Variants in METTL16 observed in about 807,000 individuals in gnomAD.
METTL16 encodes the protein RNA N(6)-adenosine-methyltransferase METTL16.
Under a neutral mutation model 57.9 loss-of-function variants are expected in METTL16, and 19 were observed. That is an observed-to-expected ratio of 0.33 (90% CI 0.23 to 0.48). The LOEUF is 0.48. Ranked by LOEUF, METTL16 falls within the 20% of genes least tolerant of loss-of-function variation. The pLI is 0.99. For missense variants in METTL16, 434 were observed against 691.5 expected (o/e 0.63, Z 4.18); for synonymous variants, 246 against 255.6 (o/e 0.96, Z 0.36).
chr17:2,473,188 C>A (rs376642525), intron 4 of METTL16, among the ~76,000 whole-genome samples: 3 of 152,084 alleles, frequency 2.0e-5, no homozygotes, highest in South Asian at 2.1e-4. Flanking sequence ...AAACAAAAAA[C>A]CCCCACTTAA....
At chr17:2,479,142 G>T (rs1396424839) in intron 2 of METTL16, among the ~76,000 whole-genome samples, 1 of 151,952 alleles carries the variant, frequency 6.6e-6, no homozygotes, top group Non-Finnish European at 1.5e-5. Context: ...ACAGAGCAGG[G>T]TCTTTTTTGG....
chr17:2,438,560 T>C (rs564941681), intron 7 of METTL16, among the ~76,000 whole-genome samples: 1 of 152,270 alleles, frequency 6.6e-6, no homozygotes, highest in East Asian at 1.9e-4. Context: ...TGGAGTGCAG[T>C]GTGCGGTCTT....
Position 2,418,195 on chromosome 17 carries a change from AATAC to A in METTL16, c.*1771_*1774del, listed in dbSNP as rs2066734633. On this transcript the variant is annotated 3_prime_UTR_variant, in exon 10 of 10. Transcript: ENST00000263092. ...TGGGAACCCTCTCTCCAGGAAAAAA[AATAC>A]ACACACACACACACACACACACACA... is the stretch of plus-strand genomic sequence containing the variant. 1.3e-5 allele frequency: 1 copy of A among 74,984 alleles called. No individual in the cohort carries two copies. The highest frequency in any genetic ancestry group is 2.3e-5 in the Non-Finnish European group (1 of 44,318). The allele number at this position is 74,984 out of a possible 1,614,324, so 4.6% of individuals were successfully genotyped here. A position where few individuals can be genotyped will look rare whatever the true frequency, so the allele number is the denominator to read the frequency against.
chr17:2,429,712 C>T (rs143378012), intron 8 of METTL16, among the ~76,000 whole-genome samples: 4 of 152,054 alleles, frequency 2.6e-5, no homozygotes, highest in East Asian at 1.9e-4. Flanking sequence ...TGCCTCCATA[C>T]GATAGTATAT....
At chr17:2,467,370 G>T (rs1185840906) in intron 5 of METTL16, among the ~76,000 whole-genome samples, 1 of 152,166 alleles carries the variant, frequency 6.6e-6, no homozygotes, top group Non-Finnish European at 1.5e-5. Flanking sequence ...TTAAAAAATA[G>T]TAAGTTAATT....
rs34609847 is a variant in METTL16 at position 2,479,330 on chromosome 17, CT to C, written c.129-1446del. On this transcript the variant is annotated intron_variant, in intron 2 of 9. Transcript: ENST00000263092. The stretch of plus-strand genomic sequence containing the variant: ...TACAGGTGCATACCACCACACTAAG[CT>C]TTTTTTTTTTTTTTTTTTCGTAGAG... Among the ~76,000 whole-genome samples the C allele has an allele frequency of 4.5e-3, 473 of 105,568 alleles. 3 individuals are homozygous for C. The highest frequency in any genetic ancestry group is 0.011 in the African/African-American group (302 of 26,324). 69.3% of individuals were successfully genotyped at this position (105,568 alleles called of 152,430 possible). A position where few individuals can be genotyped will look rare whatever the true frequency, so the allele number is the denominator to read the frequency against.
chr17:2,448,784 AAAAAT>A (rs1351993038), intron 6 of METTL16, among the ~76,000 whole-genome samples: 4,412 of 109,756 alleles, frequency 0.04, 114 homozygotes, highest in South Asian at 0.06. Context: ...AAAAAAATAA[AAAAAT>A]AAAAATAAAA....
chr17:2,464,472 A>G, intron 5 of METTL16, 122 bp from the exon 6 acceptor site: 1 of 883,732 alleles, frequency 1.1e-6, no homozygotes, highest in Non-Finnish European at 1.6e-6. Flanking sequence ...AGTATGCTAG[A>G]TTTAGGATTT....
At chr17:2,452,122 G>C (rs1191281098) in intron 6 of METTL16, among the ~76,000 whole-genome samples, 1 of 134,698 alleles carries the variant, frequency 7.4e-6, no homozygotes, top group Non-Finnish European at 1.5e-5. Flanking sequence ...GGATGACAGA[G>C]CAAGCCCTTG....
chr17:2,497,474 G>T (rs941344314), intron 2 of METTL16, among the ~76,000 whole-genome samples: 1 of 150,860 alleles, frequency 6.6e-6, no homozygotes, highest in South Asian at 2.1e-4. Flanking sequence ...CACCACGCCC[G>T]GCTCATTTTT....
At chr17:2,495,909 G>T (rs1391804519) in intron 2 of METTL16, among the ~76,000 whole-genome samples, 1 of 151,466 alleles carries the variant, frequency 6.6e-6, no homozygotes, top group African/African-American at 2.4e-5. Context: ...AGCAGTTTGA[G>T]ATCAGCCTGG....
rs1407575714 is a variant in METTL16, at chr17:2,420,311, T to C, written c.1348A>G (p.Ser450Gly). Residue 450 changes from serine (S) to glycine (G), a missense_variant, in exon 10 of 10, where the codon AGC becomes GGC. By Grantham distance (56) the Ser-to-Gly change is moderately conservative. Around this residue, in one of 5 missense-constraint regions of METTL16, gnomAD observed 168 missense variants for 149.6 expected, o/e 1.12. Transcript: ENST00000263092. The surrounding 1 kb of genome is among the most constrained non-coding windows in gnomAD (Gnocchi z 5.4). Reference protein sequence around the residue: ...EAAAVEGPCPSQESLSQEENP... With the variant: ...EAAAVEGPCPGQESLSQEENP... ...TCCTCCTGGGACAGGGACTCCTGGCTCGGGCACGGGCCCTCCACAGCGGCA... is the reference window on the plus strand; with the variant it reads ...TCCTCCTGGGACAGGGACTCCTGGCCCGGGCACGGGCCCTCCACAGCGGCA... 4 of 1,612,302 alleles carry C rather than the reference T, an allele frequency of 2.5e-6. No individual in the cohort carries two copies. In the Admixed American group the frequency reaches 5.0e-5, roughly 20 times the overall value.
intron 2 of METTL16, among the ~76,000 whole-genome samples, chr17:2,483,434 A>C (rs767073036): frequency 5.9e-5 from 9 of 152,204 alleles, no homozygotes; most frequent in Admixed American, 1.3e-4. Flanking sequence ...TGGAAGCAGA[A>C]GTTTATTGCA....
At chr17:2,469,938 A>G (rs2067225386) in intron 4 of METTL16, among the ~76,000 whole-genome samples, 2 of 152,206 alleles carry the variant, frequency 1.3e-5, no homozygotes, top group South Asian at 4.1e-4. Flanking sequence ...TGCGCTAGTT[A>G]TATTCTACAA....
intron 6 of METTL16, among the ~76,000 whole-genome samples, chr17:2,454,570 T>A (rs1261225681): frequency 1.3e-4 from 19 of 147,822 alleles, no homozygotes; most frequent in African/African-American, 2.2e-4. Context: ...ATTATTTTTT[T>A]TTTTTTTTTT....
Position 2,419,764 on chromosome 17 carries a change from T to C in METTL16, c.*206A>G, listed in dbSNP as rs2066746012. On this transcript the variant is annotated 3_prime_UTR_variant, in exon 10 of 10. Coordinates refer to ENST00000263092, the MANE Select transcript of METTL16 (RefSeq NM_024086.4). ...TGTTACTGATGACCACAATTCCTCC[T>C]TGTAAATGACCACACTACGACTCCC... 2 of 718,240 alleles carry C rather than the reference T, an allele frequency of 2.8e-6. No individual in the cohort carries two copies. Among genetic ancestry groups the C allele is most frequent in the East Asian group, 2.7e-5 (1 of 36,738 alleles). The allele number at this position is 718,240 out of a possible 1,614,324, so 44.5% of individuals were successfully genotyped here.
rs764256336 is a variant in METTL16, at chr17:2,420,716, T to A, written c.1062+15A>T. ...GATCATTATGAGTACTTCGTCAATA[T>A]GGTTAAGCAGGTACCTTCAAATCAG... On this transcript the variant is annotated intron_variant, in intron 9 of 9. Coordinates refer to ENST00000263092, the MANE Select transcript of METTL16 (RefSeq NM_024086.4). This position sits in a 1 kb window ranked among gnomAD's most constrained non-coding sequence, Gnocchi z 5.4. The A allele has an allele frequency of 7.5e-6, 12 of 1,596,244 alleles. No individual in the cohort carries two copies. In the African/African-American group the frequency reaches 1.5e-4, roughly 20 times the overall value.
At chr17:2,454,743 T>C (rs1232966899) in intron 6 of METTL16, among the ~76,000 whole-genome samples, 1 of 150,830 alleles carries the variant, frequency 6.6e-6, no homozygotes, top group Non-Finnish European at 1.5e-5. Context: ...TTTTGTATTT[T>C]AGTAGAGACA....
intron 6 of METTL16, among the ~76,000 whole-genome samples, chr17:2,451,419 G>T (rs774145106): frequency 3.3e-5 from 5 of 152,050 alleles, no homozygotes; most frequent in Non-Finnish European, 7.3e-5. Context: ...AGGAGTTCGG[G>T]ACCAGCCTGG....
Sources: allele counts gnomAD v4.1 joint callset (sites outside exome capture counted in the v4.1 genomes callset), GRCh38; gene constraint gnomAD v4.1.1; regional missense constraint gnomAD v4.1.1; non-coding constraint Gnocchi (gnomAD v3.1); transcripts MANE v1.5; gene names NCBI Gene and HGNC (gene_info 2026-07-23, HGNC 2026-07-21).